ST3GAL1: variants seen among roughly 807,000 people sequenced by gnomAD.
The protein encoded by ST3GAL1 is CMP-N-acetylneuraminate-beta-galactosamide-alpha-2,3-sialyltransferase 1.
A neutral mutation model predicts 34.1 loss-of-function variants in ST3GAL1; 16 were observed. The observed-to-expected ratio is 0.47, with a 90% confidence interval of 0.32 to 0.71. ST3GAL1 has a LOEUF of 0.71. ST3GAL1 is among the 30% of genes least tolerant of loss of function. The pLI is 0.04. For missense variants in ST3GAL1, 353 were observed against 447.4 expected, an observed-to-expected ratio of 0.79 and a Z score of 1.90; for synonymous variants, 191 against 184.7, an observed-to-expected ratio of 1.03 and a Z score of -0.28.
intron 1 of ST3GAL1, among the ~76,000 whole-genome samples, chr8:133,565,428 G>A (rs1037708409): frequency 2.0e-5 from 3 of 152,080 alleles, no homozygotes; most frequent in Non-Finnish European, 4.4e-5. Context: ...CAACTATTGC[G>A]ATGCTCTCCT....
At chr8:133,462,750 C>T (rs1815558855) in intron 8 of ST3GAL1, among the ~76,000 whole-genome samples, 1 of 152,204 alleles carries the variant, frequency 6.6e-6, no homozygotes, top group Admixed American at 6.5e-5. Flanking sequence ...GTCCCTTCCA[C>T]CAACCCCACC....
chr8:133,500,608 T>A (rs922362570), intron 2 of ST3GAL1, among the ~76,000 whole-genome samples: 1 of 152,190 alleles, frequency 6.6e-6, no homozygotes, highest in African/African-American at 2.4e-5. Flanking sequence ...ATTCACTGGC[T>A]GTACATCCTG....
intron 7 of ST3GAL1, 103 bp from the exon 8 acceptor site, chr8:133,463,562 G>T: frequency 7.9e-7 from 1 of 1,272,452 alleles, no homozygotes; most frequent in Non-Finnish European, 1.1e-6. Context: ...AGCAGGCATA[G>T]CCTCTCCTGC....
In ST3GAL1 at chr8:133,508,156, C is replaced by T. The variant is rs1817399469; in HGVS notation, c.-428-8967G>A. ...AAAAAAAGGCATCTTTCCCCAACAG[C>T]GTGGAGGCACACTCATTTCTCTTCC... On this transcript the variant is annotated intron_variant, in intron 2 of 9. Transcript: ENST00000522652. This position sits in a 1 kb window ranked among gnomAD's most constrained non-coding sequence, Gnocchi z 4.1. 6.6e-6 allele frequency among the ~76,000 whole-genome samples: 1 copy of T among 152,214 alleles called. No homozygotes were observed. The highest frequency in any genetic ancestry group is 1.5e-5 in the Non-Finnish European group (1 of 68,046).
chr8:133,541,114 TATATATAG>T (rs1158481987), intron 2 of ST3GAL1, among the ~76,000 whole-genome samples: 3 of 44,068 alleles, frequency 6.8e-5, no homozygotes, highest in Non-Finnish European at 8.3e-5. Flanking sequence ...TATATATATA[TATATATAG>T]AGAGAGAGAG....
At chr8:133,538,535 A>T (rs1818374733) in intron 2 of ST3GAL1, among the ~76,000 whole-genome samples, 2 of 152,188 alleles carry the variant, frequency 1.3e-5, no homozygotes, top group South Asian at 2.1e-4. Context: ...TAAATAAATA[A>T]ATAAAACCTA....
In ST3GAL1 at chr8:133,466,090, T is replaced by C; in HGVS notation, c.307A>G (p.Arg103Gly). Residue 103 changes from arginine (R) to glycine (G), a missense_variant and splice_region_variant, in exon 6 of 10, where the codon AGG becomes GGG. Arg to Gly is a moderately radical substitution (Grantham distance 125, BLOSUM62 -2). Transcript: ENST00000522652. This position sits in a 1 kb window ranked among gnomAD's most constrained non-coding sequence, Gnocchi z 4.4. The stretch of plus-strand genomic sequence containing the variant: ...TTGGGCTTCTTCTCCCGCTGGAGCC[T>C]CTGTGGGCGGAGGACAGAAGGTGGT... The part of the protein sequence containing the change: ...LEDDTYRWWL[R>G]LQREKKPNNL... 1 of 1,610,044 alleles carries C rather than the reference T, an allele frequency of 6.2e-7. No homozygotes were observed. The highest frequency in any genetic ancestry group is 8.5e-7 in the Non-Finnish European group (1 of 1,177,110).
chr8:133,484,391 G>T (rs2130961887), intron 3 of ST3GAL1, among the ~76,000 whole-genome samples: 1 of 152,332 alleles, frequency 6.6e-6, no homozygotes, highest in South Asian at 2.1e-4. Context: ...CAAGAAAACT[G>T]AGGCTGAGGG....
chr8:133,465,265 T>G (rs1815692403), intron 6 of ST3GAL1, among the ~76,000 whole-genome samples: 1 of 152,128 alleles, frequency 6.6e-6, no homozygotes. Context: ...CTGACTCTGA[T>G]CCTTACCATG....
intron 2 of ST3GAL1, among the ~76,000 whole-genome samples, chr8:133,511,824 C>T (rs770267418): frequency 5.3e-5 from 8 of 152,072 alleles, no homozygotes; most frequent in Admixed American, 2.6e-4. Flanking sequence ...GAGGCCGAGG[C>T]GGGCAGATCA....
In ST3GAL1 at chr8:133,469,058, G is replaced by T. The variant is rs938135338; in HGVS notation, c.307-2968C>A. Among the ~76,000 whole-genome samples, 3 of 152,196 alleles carry T rather than the reference G, an allele frequency of 2.0e-5. No homozygotes were observed. Among genetic ancestry groups the T allele is most frequent in the African/African-American group, 7.2e-5 (3 of 41,448 alleles). ...GTGACATTTACTGAGTGTCTACTGG[G>T]TGCCACAGAGGCCTGAGAAGCCAGG... is the stretch of plus-strand genomic sequence containing the variant. On this transcript the variant is annotated intron_variant, in intron 5 of 9. Transcript: ENST00000522652. The surrounding 1 kb of genome is among the most constrained non-coding windows in gnomAD (Gnocchi z 4.3).
chr8:133,543,661 A>G (rs1029453400), intron 2 of ST3GAL1, among the ~76,000 whole-genome samples: 2 of 152,160 alleles, frequency 1.3e-5, no homozygotes, highest in Non-Finnish European at 2.9e-5. Flanking sequence ...AAAAATCAAT[A>G]TATTACTTAG....
intron 3 of ST3GAL1, among the ~76,000 whole-genome samples, chr8:133,484,055 CTT>C (rs949195695): frequency 6.6e-6 from 1 of 152,136 alleles, no homozygotes; most frequent in Admixed American, 6.5e-5. Context: ...GGGGTCATCT[CTT>C]TTTTTGCATT....
chr8:133,505,772 T>C (rs1817314845), intron 2 of ST3GAL1, among the ~76,000 whole-genome samples: 1 of 151,976 alleles, frequency 6.6e-6, no homozygotes, highest in Non-Finnish European at 1.5e-5. Context: ...CTGGCTAATT[T>C]TTGTATTTTT....
intron 2 of ST3GAL1, among the ~76,000 whole-genome samples, chr8:133,539,041 G>T (rs986891117): frequency 6.6e-6 from 1 of 152,160 alleles, no homozygotes; most frequent in Admixed American, 6.5e-5. Flanking sequence ...TTACAAAGGC[G>T]TAAGGGCCAC....
Position 133,494,881 on chromosome 8 carries a change from A to G in ST3GAL1, c.-374+4254T>C, listed in dbSNP as rs376532687. Among the ~76,000 whole-genome samples the G allele has an allele frequency of 1.8e-4, 26 of 144,232 alleles. No individual in the cohort carries two copies. In the South Asian group the frequency reaches 4.7e-3, roughly 26 times the overall value. 94.6% of individuals were successfully genotyped at this position (144,232 alleles called of 152,430 possible). A position where few individuals can be genotyped will look rare whatever the true frequency, so the allele number is the denominator to read the frequency against. On this transcript the variant is annotated intron_variant, in intron 3 of 9. Transcript: ENST00000522652. ...TTGCAGCAACTGTCCCTGAACCATG[A>G]TGTGTATCGGCCTCTGCGTTTTTCC... is the stretch of plus-strand genomic sequence containing the variant.
chr8:133,569,802 G>T (rs1400578602), intron 1 of ST3GAL1, among the ~76,000 whole-genome samples: 1 of 152,226 alleles, frequency 6.6e-6, no homozygotes, highest in Non-Finnish European at 1.5e-5. Flanking sequence ...AGTGCACCTT[G>T]CCTTTTCGAA....
chr8:133,515,994 A>G (rs1361368510), intron 2 of ST3GAL1, among the ~76,000 whole-genome samples: 1 of 152,054 alleles, frequency 6.6e-6, no homozygotes, highest in Non-Finnish European at 1.5e-5. Context: ...AGCTGGGACT[A>G]CAGGTGCCTA....
At chr8:133,539,687 A>T (rs1420019113) in intron 2 of ST3GAL1, 1 of 152,128 alleles carries the variant, frequency 6.6e-6, no homozygotes, top group Non-Finnish European at 1.5e-5. Flanking sequence ...GCTTGAGCCC[A>T]GTAGTTCCAG....
Sources: gnomAD v4.1 joint callset for allele counts (sites outside exome capture counted in the v4.1 genomes callset) on GRCh38, gnomAD v4.1.1 for gene constraint, Gnocchi (gnomAD v3.1) non-coding constraint, MANE v1.5 for transcripts, NCBI Gene and HGNC (gene_info 2026-07-23, HGNC 2026-07-21) for gene names.